Variants in GSS observed in about 807,000 individuals in gnomAD.
GSS encodes GSH synthetase.
GSS carries 34 observed loss-of-function variants against 60.4 expected under a neutral mutation model. The ratio of observed to expected loss-of-function variants is 0.56; its 90% CI spans 0.43 to 0.75. The LOEUF (loss-of-function observed/expected upper bound fraction) is 0.75. Ranked by LOEUF, GSS falls within the 30% of genes least tolerant of loss-of-function variation. The pLI is 0.00. For missense variants in GSS, 499 were observed against 595.1 expected, an observed-to-expected ratio of 0.84 and a Z score of 1.68; for synonymous variants, 224 against 239.0, an observed-to-expected ratio of 0.94 and a Z score of 0.58.
chr20:34,939,672 T>A (rs6088654), intron 6 of GSS, among the ~76,000 whole-genome samples: 4 of 150,344 alleles, frequency 2.7e-5, no homozygotes, highest in African/African-American at 1.0e-4. Context: ...GTTTGTTTTT[T>A]GTTTTTTTTT....
intron 2 of GSS, 124 bp from the exon 3 acceptor site, chr20:34,946,222 T>C (rs1399145008): frequency 1.6e-5 from 12 of 736,530 alleles, no homozygotes; most frequent in Non-Finnish European, 2.5e-5. Flanking sequence ...TGTAGATTAG[T>C]GGTTACCTTG....
rs1017912804 is a variant in GSS at position 34,928,505 on chromosome 20, C to T, written c.*323G>A. On this transcript the variant is annotated 3_prime_UTR_variant, in exon 13 of 13. Coordinates refer to ENST00000651619, the MANE Select transcript of GSS (RefSeq NM_000178.4). ...TGCCCCTCCACTCCCCCTCCTCCTA[C>T]CACTCAGTCCTATCCCAAGTCAGGC... The T allele has an allele frequency of 4.0e-5, 18 of 452,188 alleles. No homozygotes were observed. In the South Asian group the frequency reaches 4.2e-4, roughly 11 times the overall value. The allele number at this position is 452,188 out of a possible 1,614,324, so 28.0% of individuals were successfully genotyped here. A position where few individuals can be genotyped will look rare whatever the true frequency, so the allele number is the denominator to read the frequency against.
intron 2 of GSS, among the ~76,000 whole-genome samples, chr20:34,948,939 G>C (rs766186361): frequency 5.3e-5 from 8 of 152,176 alleles, no homozygotes; most frequent in Non-Finnish European, 1.0e-4. Flanking sequence ...CCAGAACTCT[G>C]CTCTAGCCAA....
intron 10 of GSS, 50 bp from the exon 11 acceptor site, chr20:34,931,467 A>C: frequency 6.8e-7 from 1 of 1,466,506 alleles, no homozygotes; most frequent in South Asian, 1.1e-5. Context: ...CTAAAGAGGC[A>C]AGAAGCTTAG....
At chr20:34,942,182 G>A (rs887099465) in intron 5 of GSS, among the ~76,000 whole-genome samples, 12 of 152,118 alleles carry the variant, frequency 7.9e-5, no homozygotes, top group Admixed American at 7.9e-4. Context: ...GCTAGAAATG[G>A]ATGCTACCAG....
chr20:34,939,338 C>T (rs2081465627), intron 6 of GSS, among the ~76,000 whole-genome samples: 1 of 152,176 alleles, frequency 6.6e-6, no homozygotes, highest in Non-Finnish European at 1.5e-5. Flanking sequence ...TAACCACAGG[C>T]CCTATGCTTT....
intron 6 of GSS, among the ~76,000 whole-genome samples, chr20:34,939,500 A>G (rs1489096756): frequency 6.6e-6 from 1 of 152,178 alleles, no homozygotes; most frequent in East Asian, 1.9e-4. Context: ...TAAAGGCAGA[A>G]TAGGGAAGTA....
chr20:34,954,758 C>T (rs1169323622), intron 1 of GSS: 1 of 153,700 alleles, frequency 6.5e-6, no homozygotes. Flanking sequence ...AGTCTCCATA[C>T]AACCAGAATA....
At chr20:34,942,796 A>T in intron 4 of GSS, 135 bp downstream of exon 4, 2 of 942,750 alleles carry the variant, frequency 2.1e-6, no homozygotes, top group Non-Finnish European at 3.4e-6. Context: ...GGTCACTGGG[A>T]TAAACCCAGT....
At chr20:34,931,872 A>T (rs2081403849) in intron 10 of GSS, 67 bp downstream of exon 10, 8 of 1,432,830 alleles carry the variant, frequency 5.6e-6, no homozygotes. Context: ...ACCCTCCCCA[A>T]CACATTGGGC....
At chr20:34,949,023 T>A (rs1270711285) in intron 2 of GSS, among the ~76,000 whole-genome samples, 1 of 152,046 alleles carries the variant, frequency 6.6e-6, no homozygotes, top group African/African-American at 2.4e-5. Context: ...GTTGCTAGAT[T>A]TTTTGTTTTA....
At chr20:34,937,948 C>T (rs772373043) in intron 6 of GSS, among the ~76,000 whole-genome samples, 5 of 152,172 alleles carry the variant, frequency 3.3e-5, no homozygotes, top group Non-Finnish European at 7.3e-5. Flanking sequence ...ACCTCCACCC[C>T]CTGGGTTCCA....
intron 1 of GSS, 150 bp downstream of exon 1, chr20:34,955,577 C>G (rs1785750587): frequency 6.6e-6 from 1 of 152,418 alleles, no homozygotes; most frequent in South Asian, 2.1e-4. Flanking sequence ...AACCCCCTCA[C>G]TAGACACTAG....
chr20:34,953,195 C>T (rs554334286), intron 1 of GSS, among the ~76,000 whole-genome samples: 31 of 152,266 alleles, frequency 2.0e-4, no homozygotes, highest in Admixed American at 1.6e-3. Flanking sequence ...TTTTGTTCTG[C>T]CCTGTTGCCA....
chr20:34,929,521 G>A lies in GSS; in HGVS notation c.1181C>T (p.Ser394Phe), dbSNP rs770181306. The A allele has an allele frequency of 1.2e-6, 2 of 1,613,366 alleles. No individual in the cohort carries two copies. Among genetic ancestry groups the A allele is most frequent in the African/African-American group, 2.7e-5 (2 of 74,870 alleles). Reference protein sequence around the residue: ...KQLKDSEERASYILMEKIEPE... With the variant: ...KQLKDSEERAFYILMEKIEPE... Reference sequence around the variant, plus strand: ...TTCGATCTTCTCCATGAGGATGTAGGAGGCCCTCTCCTCACTGTCCTTCAG... The same window carrying A: ...TTCGATCTTCTCCATGAGGATGTAGAAGGCCCTCTCCTCACTGTCCTTCAG... Residue 394 changes from serine (S) to phenylalanine (F), a missense_variant, in exon 12 of 13, where the codon TCC becomes TTC. Transcript: ENST00000651619.
rs145382822 is a variant in GSS, at chr20:34,935,050, C to T, written c.834+526G>A. On this transcript the variant is annotated intron_variant, in intron 9 of 12. Transcript: ENST00000651619. ...AGAGAAGCCTCTCCATCTCTCTAAACGTTAGTTTCTCCATCTGTATAATGG... is the reference window on the plus strand; with the variant it reads ...AGAGAAGCCTCTCCATCTCTCTAAATGTTAGTTTCTCCATCTGTATAATGG... Among the ~76,000 whole-genome samples the T allele has an allele frequency of 9.1e-4, 139 of 152,262 alleles. 1 individual carries two copies. Among genetic ancestry groups the T allele is most frequent in the Non-Finnish European group, 1.5e-3 (102 of 68,014 alleles).
chr20:34,929,155 A>C (rs1487914476), intron 12 of GSS: 14 of 714,812 alleles, frequency 2.0e-5, no homozygotes, highest in African/African-American at 3.5e-5. Flanking sequence ...TGCTATTTGG[A>C]GTTTCCTTCA....
intron 1 of GSS, chr20:34,955,245 T>C (rs2081612579): frequency 6.6e-6 from 1 of 152,246 alleles, no homozygotes; most frequent in Non-Finnish European, 1.5e-5. Flanking sequence ...ACTGTATTCA[T>C]TCATCACATG....
rs568868553 is a variant in GSS at position 34,939,980 on chromosome 20, A to T, written c.608+1733T>A. ...CCACTGCACCCGGCCTATTATTATT[A>T]TTGAAAGTACCACATAATGATCCAC... is the stretch of plus-strand genomic sequence containing the variant. On this transcript the variant is annotated intron_variant, in intron 6 of 12. Coordinates refer to ENST00000651619, the MANE Select transcript of GSS (RefSeq NM_000178.4). Among the ~76,000 whole-genome samples, 13 of 152,174 alleles carry T rather than the reference A, an allele frequency of 8.5e-5. No homozygotes were observed. In the South Asian group the frequency reaches 2.5e-3, roughly 29 times the overall value.
Sources: gnomAD v4.1 joint callset for allele counts (sites outside exome capture counted in the v4.1 genomes callset) on GRCh38, gnomAD v4.1.1 for gene constraint, MANE v1.5 for transcripts, NCBI Gene and HGNC (gene_info 2026-07-23, HGNC 2026-07-21) for gene names.